RDX: variants seen among roughly 807,000 people sequenced by gnomAD.
The protein encoded by RDX is deafness, autosomal recessive 24.
A neutral mutation model predicts 83.7 loss-of-function variants in RDX; 32 were observed. That is an observed-to-expected ratio of 0.38 (90% confidence interval 0.29 to 0.51). The LOEUF (loss-of-function observed/expected upper bound fraction) is 0.51, where lower values mean the gene tolerates loss of function less well. RDX is among the 20% of genes least tolerant of loss of function. RDX has a pLI of 0.87. For synonymous variants in RDX, 229 were observed against 222.7 expected, an observed-to-expected ratio of 1.03 and a Z score of -0.25; for missense variants, 600 against 689.9, an observed-to-expected ratio of 0.87 and a Z score of 1.46.
chr11:110,175,999 C>T (rs1020326475), intron 15 of RDX, among the ~76,000 whole-genome samples: 2 of 151,716 alleles, frequency 1.3e-5, no homozygotes, highest in African/African-American at 2.4e-5. Context: ...GTGGGAGAGG[C>T]GGGAGTGGGG....
At chr11:110,240,738 C>T (rs1244781538) in intron 10 of RDX, among the ~76,000 whole-genome samples, 1 of 126,898 alleles carries the variant, frequency 7.9e-6, no homozygotes, top group Non-Finnish European at 1.6e-5. Flanking sequence ...GAGCAAGACT[C>T]CGTCTCAAAA....
At chr11:110,217,137 G>C (rs780366245) in intron 14 of RDX, among the ~76,000 whole-genome samples, 9 of 152,132 alleles carry the variant, frequency 5.9e-5, no homozygotes, top group African/African-American at 7.2e-5. Flanking sequence ...TCCTCCTTCA[G>C]GTAGCAACTT....
At chr11:110,185,539 ACT>A (rs1383719699) in intron 15 of RDX, 21 of 152,114 alleles carry the variant, frequency 1.4e-4, no homozygotes, top group Non-Finnish European at 2.9e-4. Context: ...TGAATCAGAA[ACT>A]CTGGTAGCGG....
Position 110,263,977 on chromosome 11 carries a change from A to G in RDX, c.450T>C (p.Asp150=). Residue 150 remains aspartate, a synonymous_variant, in exon 5 of 14, where the codon GAT becomes GAC. Coordinates refer to ENST00000645495, the MANE Select transcript of RDX (RefSeq NM_002906.4). The stretch of plus-strand genomic sequence containing the variant: ...TCACTTACCGCTGGGGTAGGAGTCT[A>G]TCATTAGCCAGGTAGCCTGGCTTAT... ...EIHKPGYLAN[D]RLLPQRVLEQ... 5 of 1,613,592 alleles carry G rather than the reference A, an allele frequency of 3.1e-6. No individual in the cohort carries two copies. Among genetic ancestry groups the G allele is most frequent in the Non-Finnish European group, 4.2e-6 (5 of 1,179,586 alleles).
At chr11:110,189,539 C>A (rs1863064516) in intron 15 of RDX, among the ~76,000 whole-genome samples, 1 of 152,280 alleles carries the variant, frequency 6.6e-6, no homozygotes, top group South Asian at 2.1e-4. Context: ...TTCTACCCAT[C>A]AGTCACAGAA....
intron 14 of RDX, among the ~76,000 whole-genome samples, chr11:110,223,160 G>A (rs1008509419): frequency 1.3e-5 from 2 of 152,018 alleles, no homozygotes; most frequent in African/African-American, 4.8e-5. Context: ...AAACCAGCCT[G>A]GCCAGCATGG....
chr11:110,176,088 C>CTTTTTCTTTTTTTCTT (rs1862768187), intron 15 of RDX, among the ~76,000 whole-genome samples: 1 of 143,266 alleles, frequency 7.0e-6, no homozygotes, highest in Non-Finnish European at 1.5e-5. Flanking sequence ...TTCTTTTTTT[C>CTTTTTCTTTTTTTCTT]TTTTTTTTTT....
intron 15 of RDX, chr11:110,199,512 C>T: frequency 1.4e-6 from 1 of 697,544 alleles, no homozygotes; most frequent in Non-Finnish European, 2.6e-6. Flanking sequence ...AGCATCCTGG[C>T]AGTGGAAGGT....
At chr11:110,216,267 CA>C (rs1864047501) in intron 14 of RDX, among the ~76,000 whole-genome samples, 1 of 152,082 alleles carries the variant, frequency 6.6e-6, no homozygotes, top group Middle Eastern at 3.2e-3. Context: ...AAAGTATTTG[CA>C]TATGTTGTTC....
downstream of RDX, among the ~76,000 whole-genome samples, chr11:110,227,084 A>G (rs1864458260): frequency 1.3e-5 from 2 of 152,180 alleles, no homozygotes; most frequent in Non-Finnish European, 2.9e-5. Context: ...TTTTCAATAT[A>G]TATAAAAGGA....
chr11:110,265,112 T>G (rs1347278404), intron 3 of RDX, among the ~76,000 whole-genome samples: 24 of 116,464 alleles, frequency 2.1e-4, no homozygotes, highest in Middle Eastern at 3.9e-3. Flanking sequence ...TTTTTTTGTT[T>G]TTTTTTTTTT....
downstream of RDX, among the ~76,000 whole-genome samples, chr11:110,228,928 C>CA (rs1337305553): frequency 2.7e-5 from 4 of 150,570 alleles, no homozygotes; most frequent in African/African-American, 5.0e-5. Flanking sequence ...TTACTATCAA[C>CA]AAAAAAATCT....
At chr11:110,291,424 G>T (rs1160234601) in intron 1 of RDX, among the ~76,000 whole-genome samples, 1 of 152,038 alleles carries the variant, frequency 6.6e-6, no homozygotes, top group Non-Finnish European at 1.5e-5. Context: ...TGGAAGAAAG[G>T]GCAATTCCAT....
intron 1 of RDX, among the ~76,000 whole-genome samples, chr11:110,280,936 G>A (rs189463302): frequency 7.2e-5 from 11 of 152,298 alleles, no homozygotes; most frequent in Admixed American, 2.0e-4. Context: ...AGGCCGGGGC[G>A]GGAGGATCAT....
At chr11:110,226,106 T>A (rs954693712), downstream of RDX, among the ~76,000 whole-genome samples, 3 of 150,150 alleles carry the variant, frequency 2.0e-5, no homozygotes, top group African/African-American at 7.4e-5. Flanking sequence ...AATTAACATA[T>A]GACCAAACAA....
chr11:110,215,130 G>A (rs1863995304), intron 14 of RDX, among the ~76,000 whole-genome samples: 1 of 150,234 alleles, frequency 6.7e-6, no homozygotes, highest in South Asian at 2.1e-4. Flanking sequence ...GAAGGCCGAG[G>A]TGGGCGGATC....
chr11:110,276,916 C>T (rs1490728472), intron 2 of RDX, among the ~76,000 whole-genome samples: 1 of 152,194 alleles, frequency 6.6e-6, no homozygotes, highest in Non-Finnish European at 1.5e-5. Context: ...TGACTATTCA[C>T]TCATTAAACT....
chr11:110,240,678 G>C (rs1226999971), intron 10 of RDX, among the ~76,000 whole-genome samples: 1 of 149,236 alleles, frequency 6.7e-6, no homozygotes, highest in African/African-American at 2.5e-5. Flanking sequence ...CCGGGAGGCG[G>C]AGCTTGCAGT....
chr11:110,219,724 T>A (rs181275288), intron 14 of RDX, among the ~76,000 whole-genome samples: 1 of 152,336 alleles, frequency 6.6e-6, no homozygotes, highest in East Asian at 1.9e-4. Flanking sequence ...AGGGGAAGAC[T>A]GAGGCAGGAG....
Sources: gnomAD v4.1 joint callset for allele counts (sites outside exome capture counted in the v4.1 genomes callset) on GRCh38, gnomAD v4.1.1 for gene constraint, MANE v1.5 for transcripts, NCBI Gene and HGNC (gene_info 2026-07-23, HGNC 2026-07-21) for gene names.